Variants in SLC40A1 observed in about 807,000 individuals in gnomAD.
SLC40A1 encodes the protein solute carrier family 40 member 1, also known as ferroportin.
A neutral mutation model predicts 53.5 loss-of-function variants in SLC40A1; 16 were observed. The ratio of observed to expected loss-of-function variants is 0.30; its 90% CI spans 0.20 to 0.45. The LOEUF is 0.45. Among genes scored for constraint, SLC40A1 ranks in the 20% least tolerant of loss-of-function variants. The pLI is 1.00. For missense variants in SLC40A1, 545 were observed against 695.4 expected (o/e 0.78, Z 2.43); for synonymous variants, 247 against 253.2 (o/e 0.98, Z 0.23).
Position 189,563,872 on chromosome 2 carries a change from T to C in SLC40A1, c.1114A>G (p.Thr372Ala), listed in dbSNP as rs750824269. 2 of 1,614,176 alleles carry C rather than the reference T, an allele frequency of 1.2e-6. No individual in the cohort carries two copies. Among genetic ancestry groups the C allele is most frequent in the Non-Finnish European group, 1.7e-6 (2 of 1,180,032 alleles). ...WLRRKCGLVR[T>A]GLISGLAQLS... The stretch of plus-strand genomic sequence containing the variant: ...TGTGCCAATCCTGAGATCAGACCTG[T>C]CCGAACCAAACCACATTTTCGACGT... Residue 372 changes from threonine (T) to alanine (A), a missense_variant, in exon 7 of 8, where the codon ACA becomes GCA. Thr to Ala is a moderately conservative substitution (Grantham distance 58, BLOSUM62 0). Transcript: ENST00000261024.
chr2:189,579,824 G>C lies in SLC40A1; in HGVS notation c.100C>G (p.Leu34Val). The C allele has an allele frequency of 3.1e-6, 5 of 1,614,074 alleles. No homozygotes were observed. Among genetic ancestry groups the C allele is most frequent in the Non-Finnish European group, 4.2e-6 (5 of 1,179,904 alleles). Residue 34 changes from leucine (L) to valine (V), a missense_variant, in exon 2 of 8, where the codon CTC (leucine) becomes GTC (valine). Physicochemically the swap from Leu to Val is conservative, Grantham distance 32. Coordinates refer to ENST00000261024, the MANE Select transcript of SLC40A1 (RefSeq NM_014585.6). ...AKFLLYLGHSLSTWGDRMWHF... is the reference protein window; with the variant it reads ...AKFLLYLGHSVSTWGDRMWHF... Reference sequence around the variant, plus strand: ...GCATTCTCACTTACCCAAGTAGAGAGAGAATGACCAAGGTAGAGAAGGAAT... The same window carrying C: ...GCATTCTCACTTACCCAAGTAGAGACAGAATGACCAAGGTAGAGAAGGAAT...
At chr2:189,567,273 G>A (rs2030966696) in intron 5 of SLC40A1, among the ~76,000 whole-genome samples, 1 of 152,174 alleles carries the variant, frequency 6.6e-6, no homozygotes, top group South Asian at 2.1e-4. Context: ...GATTATGGGA[G>A]GAGAGAATTT....
intron 5 of SLC40A1, among the ~76,000 whole-genome samples, chr2:189,567,760 G>T (rs2030982218): frequency 6.6e-6 from 1 of 152,106 alleles, no homozygotes; most frequent in Admixed American, 6.5e-5. Context: ...GATAACAGGA[G>T]AACTTTGACA....
rs1236468618 is a variant in SLC40A1, at chr2:189,561,857, G to C, written c.*21C>G. On this transcript the variant is annotated 3_prime_UTR_variant, in exon 8 of 8. Coordinates refer to ENST00000261024, the MANE Select transcript of SLC40A1 (RefSeq NM_014585.6). Reference sequence around the variant, plus strand: ...TGTGCTCTATATAATCTAGTAACAGGATAGCAACAGTTAAACTGTCTCAAA... The same window carrying C: ...TGTGCTCTATATAATCTAGTAACAGCATAGCAACAGTTAAACTGTCTCAAA... 2 of 1,596,116 alleles carry C rather than the reference G, an allele frequency of 1.3e-6. No individual in the cohort carries two copies. Among genetic ancestry groups the C allele is most frequent in the Non-Finnish European group, 1.7e-6 (2 of 1,163,882 alleles).
At chr2:189,577,491 G>T (rs2031323944) in intron 2 of SLC40A1, among the ~76,000 whole-genome samples, 1 of 151,990 alleles carries the variant, frequency 6.6e-6, no homozygotes. Flanking sequence ...GTAAGATCAT[G>T]TTATCAGATA....
chr2:189,577,615 C>CTTT (rs11419650), intron 2 of SLC40A1, among the ~76,000 whole-genome samples: 11 of 133,496 alleles, frequency 8.2e-5, no homozygotes, highest in South Asian at 2.3e-4. Context: ...ATAGTATCCA[C>CTTT]TTTTTTTTTT....
chr2:189,564,962 C>G (rs1472728240), intron 6 of SLC40A1, among the ~76,000 whole-genome samples: 1 of 152,232 alleles, frequency 6.6e-6, no homozygotes, highest in Non-Finnish European at 1.5e-5. Context: ...TGTGTCCTCA[C>G]TCCCTTCCAC....
intron 5 of SLC40A1, among the ~76,000 whole-genome samples, chr2:189,568,021 T>G (rs1200272560): frequency 6.6e-6 from 1 of 152,196 alleles, no homozygotes; most frequent in Non-Finnish European, 1.5e-5. Context: ...TTAAAATTAT[T>G]TCTTACCCTT....
rs141467865 is a variant in SLC40A1 at position 189,576,971 on chromosome 2, A to G, written c.112-1651T>C. ...TGATGGAAAGAAAGAAATTGCTCAC[A>G]TTACCCCAATTTCCAACGGGCTTAG... On this transcript the variant is annotated intron_variant, in intron 2 of 7. Transcript: ENST00000261024. Among the ~76,000 whole-genome samples, 18 of 152,322 alleles carry G rather than the reference A, an allele frequency of 1.2e-4. 1 individual carries two copies. The South Asian group carries it at 3.7e-3, about 32-fold the overall frequency.
Position 189,564,239 on chromosome 2 carries a change from A to C in SLC40A1, c.761-14T>G. On this transcript the variant is annotated splice_polypyrimidine_tract_variant and intron_variant, in intron 6 of 7. Transcript: ENST00000261024. Reference sequence around the variant, plus strand: ...TTGGCTCAGTATCTGTTAAGAAAAGATACCATTATTTTGTTGGGGAGGACA... The same window carrying C: ...TTGGCTCAGTATCTGTTAAGAAAAGCTACCATTATTTTGTTGGGGAGGACA... The C allele has an allele frequency of 1.9e-6, 3 of 1,612,354 alleles. No individual in the cohort carries two copies. Among genetic ancestry groups the C allele is most frequent in the Non-Finnish European group, 2.5e-6 (3 of 1,178,402 alleles).
chr2:189,568,960 A>C (rs1394069965), intron 5 of SLC40A1, among the ~76,000 whole-genome samples: 1 of 152,266 alleles, frequency 6.6e-6, no homozygotes, highest in African/African-American at 2.4e-5. Flanking sequence ...GTAAGATTCA[A>C]ACGTGGCACA....
At position 189,561,913 on chromosome 2, in the gene SLC40A1, T is replaced by C. The variant is rs11568346; in HGVS notation, c.1681A>G (p.Arg561Gly). 1,378 of 1,614,156 alleles carry C rather than the reference T, an allele frequency of 8.5e-4. 16 individuals carry two copies. The African/African-American group carries it at 0.016, about 19-fold the overall frequency. The change falls in exon 8 of 8, where the codon AGG becomes GGG. Residue 561 changes from arginine (R) to glycine (G), a missense_variant. Around this residue, in one of 4 missense-constraint regions of SLC40A1, gnomAD observed 234 missense variants for 299.0 expected, o/e 0.78. Transcript: ENST00000261024. ...FACGPDAKEVRKENQANTSVV is the reference protein window; with the variant it reads ...FACGPDAKEVGKENQANTSVV ...GATGTATTTGCTTGATTTTCCTTCC[T>C]AACTTCTTTTGCATCAGGACCGCAA...
chr2:189,568,564 G>A (rs897422479), intron 5 of SLC40A1, among the ~76,000 whole-genome samples: 2 of 151,970 alleles, frequency 1.3e-5, no homozygotes, highest in Non-Finnish European at 1.5e-5. Flanking sequence ...GCAAATATAC[G>A]CTCTTTACCA....
intron 2 of SLC40A1, 127 bp downstream of exon 2, chr2:189,579,686 G>A (rs1256625936): frequency 3.6e-6 from 3 of 822,390 alleles, no homozygotes; most frequent in Non-Finnish European, 6.4e-6. Flanking sequence ...ATTAAAGCAT[G>A]TGTACTTGGA....
chr2:189,571,445 T>TTA (rs1559013138), intron 5 of SLC40A1, among the ~76,000 whole-genome samples: 2 of 147,052 alleles, frequency 1.4e-5, no homozygotes, highest in African/African-American at 2.5e-5. Context: ...AATTTTTTTT[T>TTA]AAAAAAAAAA....
rs143371720 is a variant in SLC40A1, at chr2:189,572,939, T to C, written c.294A>G (p.Val98=). Reference sequence around the variant, plus strand: ...CACACAGGATGACTGAAACATTCTGTACCACCAGCGAGGTCTGGGCCACTG... The same window carrying C: ...CACACAGGATGACTGAAACATTCTGCACCACCAGCGAGGTCTGGGCCACTG... ...RLKVAQTSLV[V]QNVSVILCGI... Residue 98 remains valine, a synonymous_variant, in exon 4 of 8, where the codon GTA becomes GTG. Coordinates refer to ENST00000261024, the MANE Select transcript of SLC40A1 (RefSeq NM_014585.6). 6 of 1,613,766 alleles carry C rather than the reference T, an allele frequency of 3.7e-6. No homozygotes were observed. The Admixed American group carries it at 6.7e-5, about 18-fold the overall frequency.
rs886055361 is a variant in SLC40A1, at chr2:189,572,944, C to A, written c.289G>T (p.Val97Leu). ...ARLKVAQTSL[V>L]VQNVSVILCG... ...AGGATGACTGAAACATTCTGTACCA[C>A]CAGCGAGGTCTGGGCCACTGTGCAG... is the stretch of plus-strand genomic sequence containing the variant. Residue 97 changes from valine to leucine, a missense_variant, in exon 4 of 8, where the codon GTG becomes TTG. Around this residue, in one of 4 missense-constraint regions of SLC40A1, gnomAD observed 197 missense variants for 278.8 expected, o/e 0.71. Coordinates refer to ENST00000261024, the MANE Select transcript of SLC40A1 (RefSeq NM_014585.6). The A allele has an allele frequency of 6.2e-7, 1 of 1,613,590 alleles. No homozygotes were observed. The highest frequency in any genetic ancestry group is 1.1e-5 in the South Asian group (1 of 91,070).
At chr2:189,570,554 G>A (rs967737498) in intron 5 of SLC40A1, among the ~76,000 whole-genome samples, 1 of 152,160 alleles carries the variant, frequency 6.6e-6, no homozygotes, top group African/African-American at 2.4e-5. Flanking sequence ...TTTAGCTCCA[G>A]AGAGAATTTC....
intron 6 of SLC40A1, among the ~76,000 whole-genome samples, chr2:189,564,623 G>A (rs983648155): frequency 1.3e-5 from 2 of 152,034 alleles, no homozygotes; most frequent in Admixed American, 6.6e-5. Context: ...GGCAGATCAC[G>A]AGGTCAGGAG....
Sources: allele counts gnomAD v4.1 joint callset (sites outside exome capture counted in the v4.1 genomes callset), GRCh38; gene constraint gnomAD v4.1.1; regional missense constraint gnomAD v4.1.1; transcripts MANE v1.5; gene names NCBI Gene and HGNC (gene_info 2026-07-23, HGNC 2026-07-21).